The following GRID1 variants were observed in gnomAD, a reference collection of about 807,000 sequenced individuals.
The protein encoded by GRID1 is glutamate receptor ionotropic, delta-1.
GRID1 carries 28 observed loss-of-function variants against 98.0 expected under a neutral mutation model. The ratio of observed to expected loss-of-function variants is 0.29; its 90% confidence interval spans 0.21 to 0.39. The LOEUF (loss-of-function observed/expected upper bound fraction) is 0.39. Among genes scored for constraint, GRID1 ranks in the 10% least tolerant of loss-of-function variants. The pLI is 1.00. For synonymous variants in GRID1, 553 were observed against 538.5 expected, an observed-to-expected ratio of 1.03 and a Z score of -0.37; for missense variants, 1,111 against 1,340.5, an observed-to-expected ratio of 0.83 and a Z score of 2.67.
At chr10:86,322,180 G>A (rs7914854) in intron 2 of GRID1, among the ~76,000 whole-genome samples, 121,063 of 152,010 alleles carry the variant, frequency 0.8, 49,147 homozygotes, top group Non-Finnish European at 0.88. Context: ...AGTCACCTAG[G>A]GGGCTGAAAC....
chr10:85,823,724 G>A (rs1842793763), intron 8 of GRID1, among the ~76,000 whole-genome samples: 1 of 151,888 alleles, frequency 6.6e-6, no homozygotes, highest in Non-Finnish European at 1.5e-5. Flanking sequence ...ACAGTCAGGG[G>A]AAAAAATGTT....
chr10:85,699,853 T>C (rs1841432708), intron 12 of GRID1, among the ~76,000 whole-genome samples: 1 of 152,216 alleles, frequency 6.6e-6, no homozygotes, highest in Non-Finnish European at 1.5e-5. Flanking sequence ...GTTCAAAGTA[T>C]TCGCTTATTT....
intron 5 of GRID1, among the ~76,000 whole-genome samples, chr10:85,879,911 T>C (rs1019394507): frequency 1.3e-5 from 2 of 151,882 alleles, no homozygotes; most frequent in Non-Finnish European, 2.9e-5. Flanking sequence ...AAGAATCAAA[T>C]AGACGCAATA....
intron 8 of GRID1, among the ~76,000 whole-genome samples, chr10:85,821,677 C>CAT (rs1281696974): frequency 6.6e-6 from 1 of 151,746 alleles, no homozygotes; most frequent in Non-Finnish European, 1.5e-5. Flanking sequence ...TGTCTGTATG[C>CAT]ATATATATAT....
At chr10:86,139,214 G>A (rs972262488) in intron 3 of GRID1, among the ~76,000 whole-genome samples, 190 bp from the exon 4 acceptor site, 9 of 152,164 alleles carry the variant, frequency 5.9e-5, no homozygotes, top group African/African-American at 1.9e-4. Context: ...GTTCACCAGT[G>A]TCCAGCCCTG....
chr10:85,890,290 T>C (rs1052258110), intron 5 of GRID1, among the ~76,000 whole-genome samples: 5 of 152,126 alleles, frequency 3.3e-5, no homozygotes, highest in Admixed American at 1.3e-4. Context: ...GAAGAGAGGT[T>C]TCTGAATGTT....
chr10:86,242,939 A>G (rs1223275250), intron 2 of GRID1, among the ~76,000 whole-genome samples: 2 of 152,036 alleles, frequency 1.3e-5, no homozygotes, highest in Admixed American at 1.3e-4. Flanking sequence ...ACCCAGCCCC[A>G]CCTGCCTCAC....
At chr10:85,728,553 G>A (rs1841788218) in intron 9 of GRID1, among the ~76,000 whole-genome samples, 1 of 152,192 alleles carries the variant, frequency 6.6e-6, no homozygotes, top group South Asian at 2.1e-4. Flanking sequence ...ACTGACCAAG[G>A]CCAGACCAGA....
intron 12 of GRID1, among the ~76,000 whole-genome samples, chr10:85,707,100 A>G (rs1841529139): frequency 2.0e-5 from 3 of 152,236 alleles, no homozygotes; most frequent in African/African-American, 7.2e-5. Flanking sequence ...ACAAAAGCCA[A>G]AATTGACAAA....
At chr10:85,779,903 G>C (rs1842366169) in intron 8 of GRID1, among the ~76,000 whole-genome samples, 1 of 152,222 alleles carries the variant, frequency 6.6e-6, no homozygotes, top group African/African-American at 2.4e-5. Flanking sequence ...ATTTGGACCT[G>C]GTTGGCTTTG....
At chr10:85,824,704 C>A (rs901487582) in intron 8 of GRID1, among the ~76,000 whole-genome samples, 2 of 152,106 alleles carry the variant, frequency 1.3e-5, no homozygotes, top group Non-Finnish European at 2.9e-5. Flanking sequence ...CCACCACCAA[C>A]CTTCCAGTCT....
intron 4 of GRID1, among the ~76,000 whole-genome samples, chr10:86,129,977 TC>T (rs1844809518): frequency 6.6e-6 from 1 of 152,254 alleles, no homozygotes; most frequent in African/African-American, 2.4e-5. Context: ...ACACTTGGTC[TC>T]CTGGAACTCC....
At chr10:86,118,435 A>C (rs1443556446) in intron 4 of GRID1, among the ~76,000 whole-genome samples, 2 of 152,158 alleles carry the variant, frequency 1.3e-5, no homozygotes, top group Admixed American at 1.3e-4. Context: ...CCACTAAAGA[A>C]TTTATTCATG....
At chr10:86,163,775 G>T (rs1014363279) in intron 3 of GRID1, among the ~76,000 whole-genome samples, 6 of 152,172 alleles carry the variant, frequency 3.9e-5, no homozygotes, top group African/African-American at 1.4e-4. Context: ...TGGCAGGGAT[G>T]GTGGGGGCAG....
At chr10:86,113,575 T>A (rs1282367724) in intron 4 of GRID1, among the ~76,000 whole-genome samples, 1 of 152,240 alleles carries the variant, frequency 6.6e-6, no homozygotes, top group Non-Finnish European at 1.5e-5. Flanking sequence ...GATATTATTT[T>A]GCTTTTTTGC....
intron 8 of GRID1, among the ~76,000 whole-genome samples, chr10:85,808,099 T>C (rs963408759): frequency 1.3e-5 from 2 of 152,074 alleles, no homozygotes; most frequent in African/African-American, 4.8e-5. Context: ...AGTAAATAAT[T>C]ATAAAATCTA....
At chr10:86,359,257 C>T (rs367917017) in intron 2 of GRID1, among the ~76,000 whole-genome samples, 1 of 152,168 alleles carries the variant, frequency 6.6e-6, no homozygotes, top group South Asian at 2.1e-4. Flanking sequence ...GTGAGGCTGC[C>T]AGGAGGACTG....
At chr10:86,098,288 A>G (rs1193527122) in intron 4 of GRID1, among the ~76,000 whole-genome samples, 1 of 152,234 alleles carries the variant, frequency 6.6e-6, no homozygotes, top group Non-Finnish European at 1.5e-5. Flanking sequence ...TTATGCAAAG[A>G]TCCCTACAGA....
At chr10:85,961,256 TCCTCTGAGCCTGCC>T (rs1483921301) in intron 4 of GRID1, among the ~76,000 whole-genome samples, 1 of 152,132 alleles carries the variant, frequency 6.6e-6, no homozygotes, top group East Asian at 1.9e-4. Context: ...CACTGGGTTC[TCCTCTGAGCCTGCC>T]CCTGCCTCCC....
Sources: allele counts gnomAD v4.1 joint callset (sites outside exome capture counted in the v4.1 genomes callset), GRCh38; gene constraint gnomAD v4.1.1; transcripts MANE v1.5; gene names NCBI Gene and HGNC (gene_info 2026-07-23, HGNC 2026-07-21).